The following COL4A4 variants were observed in gnomAD, a reference collection of about 807,000 sequenced individuals.
COL4A4 encodes collagen alpha-4(IV) chain.
COL4A4 carries 105 observed loss-of-function variants against 192.9 expected under a neutral mutation model. That is an observed-to-expected ratio of 0.54 (90% CI 0.46 to 0.64). The LOEUF is 0.64. COL4A4 is among the 30% of genes least tolerant of loss of function. The pLI is 0.00. For synonymous variants in COL4A4, 762 were observed against 769.9 expected (o/e 0.99, Z 0.17); for missense variants, 1,967 against 2,169.3 (o/e 0.91, Z 1.85).
In COL4A4 at chr2:227,047,491, A is replaced by C; in HGVS notation, c.3273T>G (p.Gly1091=). The C allele has an allele frequency of 6.2e-7, 1 of 1,613,778 alleles. No homozygotes were observed. Among genetic ancestry groups the C allele is most frequent in the Non-Finnish European group, 8.5e-7 (1 of 1,179,772 alleles). The part of the protein sequence containing the change: ...FGPPGPKGEP[G]SPGCPGHFGA... ...CAGCTATACCTGGACATCCAGGGCT[A>C]CCTGGCTCACCCTTTGGACCAGGTG... Residue 1091 remains glycine, a synonymous_variant, in exon 35 of 48, where the codon GGT becomes GGG. Transcript: ENST00000396625.
rs114879400 is a variant in COL4A4, at chr2:227,092,517, G to A, written c.1369+1608C>T. Among the ~76,000 whole-genome samples, 566 of 152,296 alleles carry A rather than the reference G, an allele frequency of 3.7e-3. 2 individuals carry two copies. Among genetic ancestry groups the A allele is most frequent in the African/African-American group, 0.01 (419 of 41,568 alleles). ...CTGAACAACTCAAAAAGCTGCAGGA[G>A]AGATTTATTCAAAGAGCTAATACTA... On this transcript the variant is annotated intron_variant, in intron 20 of 47. Transcript: ENST00000396625.
chr2:227,027,182 G>A (rs1398661292), intron 42 of COL4A4, among the ~76,000 whole-genome samples: 1 of 151,470 alleles, frequency 6.6e-6, no homozygotes, highest in Non-Finnish European at 1.5e-5. Context: ...AACCCAGGAG[G>A]CGGAGGCTGC....
rs149971209 is a variant in COL4A4 at position 227,005,048 on chromosome 2, T to A, written c.*2277A>T. On this transcript the variant is annotated 3_prime_UTR_variant, in exon 48 of 48. Coordinates refer to ENST00000396625, the MANE Select transcript of COL4A4 (RefSeq NM_000092.5). ...ATTCCAAGAAGTTATTTTTCCGCCCTTTTGATCCTTTAAAATACTTTTGTA... is the reference window on the plus strand; with the variant it reads ...ATTCCAAGAAGTTATTTTTCCGCCCATTTGATCCTTTAAAATACTTTTGTA... The A allele has an allele frequency of 2.0e-5, 3 of 152,206 alleles. No homozygotes were observed. The highest frequency in any genetic ancestry group is 7.2e-5 in the African/African-American group (3 of 41,448). 9.4% of individuals were successfully genotyped at this position (152,206 alleles called of 1,614,324 possible). A position where few individuals can be genotyped will look rare whatever the true frequency, so the allele number is the denominator to read the frequency against.
chr2:227,087,491 A>T (rs1336414735), intron 22 of COL4A4, among the ~76,000 whole-genome samples: 1 of 152,152 alleles, frequency 6.6e-6, no homozygotes, highest in Non-Finnish European at 1.5e-5. Flanking sequence ...TCAAACAAAA[A>T]ACCCTGGTTC....
At chr2:227,138,570 G>A (rs527739479) in intron 4 of COL4A4, among the ~76,000 whole-genome samples, 2 of 149,878 alleles carry the variant, frequency 1.3e-5, no homozygotes, top group East Asian at 4.0e-4. Context: ...GAGGCGGAGC[G>A]TGCAGTGAGC....
chr2:227,159,579 T>C (rs946540171), intron 1 of COL4A4, among the ~76,000 whole-genome samples: 5 of 152,252 alleles, frequency 3.3e-5, no homozygotes, highest in African/African-American at 4.8e-5. Flanking sequence ...AATCCCCATA[T>C]GTCATGGGAG....
chr2:227,041,771 GAAGGAAGGAAGGAAGGGAAA>G (rs1238214258), intron 37 of COL4A4, among the ~76,000 whole-genome samples: 100 of 98,060 alleles, frequency 1.0e-3, no homozygotes, highest in East Asian at 2.0e-3. Flanking sequence ...AGGAAGGAAG[GAAGGAAGGAAGGAAGGGAAA>G]GAAAGAAAGA....
chr2:227,033,056 A>G (rs948734515), intron 38 of COL4A4, among the ~76,000 whole-genome samples: 2 of 152,222 alleles, frequency 1.3e-5, no homozygotes, highest in Non-Finnish European at 1.5e-5. Flanking sequence ...ACATAGCATT[A>G]CTATACTTAA....
chr2:227,035,733 A>C (rs1414268846), intron 37 of COL4A4, among the ~76,000 whole-genome samples: 1 of 152,106 alleles, frequency 6.6e-6, no homozygotes, highest in African/African-American at 2.4e-5. Context: ...GAAATGATAA[A>C]TTTTCGGGGG....
the COL4A4 span, among the ~76,000 whole-genome samples, chr2:226,980,629 G>A: frequency 6.6e-6 from 1 of 152,072 alleles, no homozygotes; most frequent in African/African-American, 2.4e-5. Flanking sequence ...AATCTGTAGG[G>A]TTCCTTATGG....
At chr2:227,111,529 C>G in intron 9 of COL4A4, 149 bp downstream of exon 9, 1 of 822,310 alleles carries the variant, frequency 1.2e-6, no homozygotes, top group African/African-American at 1.7e-5. Flanking sequence ...TCTTGAAATG[C>G]TTAATAATTT....
chr2:227,118,077 C>T (rs538360852), intron 7 of COL4A4, among the ~76,000 whole-genome samples: 7 of 152,146 alleles, frequency 4.6e-5, no homozygotes, highest in Admixed American at 1.3e-4. Context: ...AGTGTCTAGA[C>T]GTGGGGTGAC....
At chr2:226,988,321 A>G in the COL4A4 span, 2 of 1,548,152 alleles carry the variant, frequency 1.3e-6, no homozygotes, top group Admixed American at 2.0e-5. Context: ...GCCCCACCTG[A>G]ACATCTGCAG....
rs886055724 is a variant in COL4A4, at chr2:227,008,102, C to T, written c.4725G>A (p.Ala1575=). The T allele has an allele frequency of 7.4e-6, 12 of 1,613,954 alleles. No individual in the cohort carries two copies. The highest frequency in any genetic ancestry group is 2.2e-5 in the East Asian group (1 of 44,896). ...RCAVCEAPAQ[A]VAVHSQDQSI... The stretch of plus-strand genomic sequence containing the variant: ...ACTGGTCCTGGCTGTGCACCGCCAC[C>T]GCCTGGGCCGGGGCCTCGCATACCG... Residue 1575 remains alanine, a synonymous_variant, in exon 47 of 48, where the codon GCG becomes GCA. Coordinates refer to ENST00000396625, the MANE Select transcript of COL4A4 (RefSeq NM_000092.5).
intron 1 of COL4A4, among the ~76,000 whole-genome samples, chr2:227,150,642 G>T (rs1280384885): frequency 2.0e-5 from 3 of 152,148 alleles, no homozygotes; most frequent in Admixed American, 6.6e-5. Flanking sequence ...TGGTTGGGGA[G>T]GCCTCAGGAA....
intron 44 of COL4A4, among the ~76,000 whole-genome samples, chr2:227,021,517 G>A (rs1447418722): frequency 2.0e-5 from 3 of 152,106 alleles, no homozygotes; most frequent in Non-Finnish European, 4.4e-5. Context: ...ATTTAAGTAG[G>A]AGTTCCACAT....
At chr2:227,147,348 C>A (rs1413779355) in intron 2 of COL4A4, 65 bp downstream of exon 2, 1 of 1,462,346 alleles carries the variant, frequency 6.8e-7, no homozygotes, top group Non-Finnish European at 9.6e-7. Flanking sequence ...CGGTTTACAT[C>A]CATAGAACAA....
chr2:227,110,048 T>C (rs2061104402), intron 9 of COL4A4, among the ~76,000 whole-genome samples: 1 of 152,178 alleles, frequency 6.6e-6, no homozygotes, highest in Non-Finnish European at 1.5e-5. Context: ...TGCGGAAATA[T>C]AGTCCCTAAT....
intron 37 of COL4A4, among the ~76,000 whole-genome samples, chr2:227,039,479 T>C (rs1970356669): frequency 6.6e-6 from 1 of 152,236 alleles, no homozygotes; most frequent in Non-Finnish European, 1.5e-5. Flanking sequence ...CAGCTATTAG[T>C]TTTGTAATAG....
Sources: gnomAD v4.1 joint callset for allele counts (sites outside exome capture counted in the v4.1 genomes callset) on GRCh38, gnomAD v4.1.1 for gene constraint, MANE v1.5 for transcripts, NCBI Gene and HGNC (gene_info 2026-07-23, HGNC 2026-07-21) for gene names.